RNF41: variants seen among roughly 807,000 people sequenced by gnomAD.
RNF41 encodes the protein ring finger protein 41, also known as E3 ubiquitin-protein ligase NRDP1.
Under a neutral mutation model 33.0 loss-of-function variants are expected in RNF41, and 4 were observed. The observed-to-expected ratio is 0.12, with a 90% CI of 0.06 to 0.28. RNF41 has a LOEUF of 0.28. Ranked by LOEUF, RNF41 falls within the 10% of genes least tolerant of loss-of-function variation. RNF41 has a pLI of 1.00. For synonymous variants in RNF41, 164 were observed against 153.2 expected (o/e 1.07, Z -0.52); for missense variants, 228 against 432.6 (o/e 0.53, Z 4.19).
chr12:56,208,732 CTTTTT>C (rs1229758952), intron 4 of RNF41, among the ~76,000 whole-genome samples: 1 of 145,188 alleles, frequency 6.9e-6, no homozygotes, highest in Non-Finnish European at 1.5e-5. Flanking sequence ...GGCCGGCTAA[CTTTTT>C]GTATTTTTAG....
intron 1 of RNF41, 195 bp downstream of exon 1, chr12:56,221,565 C>T (rs1443761067): frequency 6.6e-6 from 1 of 152,644 alleles, no homozygotes; most frequent in Non-Finnish European, 1.5e-5. Flanking sequence ...TCCCCAACAA[C>T]CCGTTCTCCA....
At chr12:56,214,781 A>G (rs1020801715) in intron 2 of RNF41, among the ~76,000 whole-genome samples, 1 of 152,156 alleles carries the variant, frequency 6.6e-6, no homozygotes, top group Non-Finnish European at 1.5e-5. Flanking sequence ...GTGAGCCGAG[A>G]TTGCACCACA....
At chr12:56,209,903 A>G in intron 4 of RNF41, 2 of 231,826 alleles carry the variant, frequency 8.6e-6, no homozygotes, top group South Asian at 1.3e-4. Flanking sequence ...CATGCCCTTC[A>G]GCTATCAACA....
chr12:56,207,809 A>C, intron 5 of RNF41, 60 bp from the exon 6 acceptor site: 1 of 1,358,338 alleles, frequency 7.4e-7, no homozygotes, highest in Non-Finnish European at 1.1e-6. Flanking sequence ...AAAAGACAAA[A>C]GTTTATCCAA....
intron 1 of RNF41, among the ~76,000 whole-genome samples, chr12:56,216,860 G>T (rs1043544294): frequency 6.6e-6 from 1 of 152,200 alleles, no homozygotes; most frequent in Non-Finnish European, 1.5e-5. Context: ...GACAAGAGAG[G>T]CCGGGCGTGG....
chr12:56,210,224 G>A (rs959336883), intron 4 of RNF41, 73 bp downstream of exon 4: 1 of 1,540,858 alleles, frequency 6.5e-7, no homozygotes. Context: ...CAGCTAGTGA[G>A]GAGGGCAGCC....
intron 3 of RNF41, among the ~76,000 whole-genome samples, chr12:56,212,466 G>C (rs2135807430): frequency 6.6e-6 from 1 of 152,230 alleles, no homozygotes; most frequent in South Asian, 2.1e-4. Flanking sequence ...AGGTAGATGG[G>C]TGGCTTCTGA....
At chr12:56,218,697 A>T (rs1257440789) in intron 1 of RNF41, among the ~76,000 whole-genome samples, 1 of 148,006 alleles carries the variant, frequency 6.8e-6, no homozygotes, top group Non-Finnish European at 1.5e-5. Flanking sequence ...CATATTTATT[A>T]TATATATATA....
intron 3 of RNF41, among the ~76,000 whole-genome samples, chr12:56,212,046 G>C (rs1001718671): frequency 6.6e-6 from 1 of 152,198 alleles, no homozygotes; most frequent in African/African-American, 2.4e-5. Flanking sequence ...CACTTTGGGA[G>C]GCCAAGGCAG....
In RNF41 at chr12:56,204,234, T is replaced by C. The variant is rs572979055; in HGVS notation, c.*2213A>G. On this transcript the variant is annotated 3_prime_UTR_variant, in exon 7 of 7. Transcript: ENST00000345093. ...GGACCACTCAGGGAAGACATGGAAT[T>C]TAGGATAAAGGCAGACCCTGGGAAG... 6.6e-6 allele frequency: 1 copy of C among 152,282 alleles called. No individual in the cohort carries two copies. The highest frequency in any genetic ancestry group is 6.5e-5 in the Admixed American group (1 of 15,276). The allele number at this position is 152,282 out of a possible 1,614,324, so 9.4% of individuals were successfully genotyped here. A position where few individuals can be genotyped will look rare whatever the true frequency, so the allele number is the denominator to read the frequency against.
intron 3 of RNF41, among the ~76,000 whole-genome samples, chr12:56,213,366 A>C (rs563539187): frequency 9.9e-4 from 150 of 152,028 alleles, no homozygotes; most frequent in Admixed American, 2.6e-3. Flanking sequence ...CGCCCAGCTA[A>C]TTTTTGTATT....
chr12:56,217,493 A>G (rs1868993730), intron 1 of RNF41, among the ~76,000 whole-genome samples: 1 of 152,166 alleles, frequency 6.6e-6, no homozygotes, highest in South Asian at 2.1e-4. Context: ...GGTTGCAGTG[A>G]GCCAAGATCG....
intron 2 of RNF41, among the ~76,000 whole-genome samples, chr12:56,215,500 C>T (rs1357964404): frequency 1.3e-5 from 2 of 151,766 alleles, no homozygotes; most frequent in Non-Finnish European, 2.9e-5. Flanking sequence ...GCAGACGGAT[C>T]ATGAGGTCAA....
At chr12:56,220,125 G>T (rs1869250108) in intron 1 of RNF41, among the ~76,000 whole-genome samples, 1 of 152,034 alleles carries the variant, frequency 6.6e-6, no homozygotes, top group Non-Finnish European at 1.5e-5. Context: ...ACAAAATAAG[G>T]CTGGGTGCAG....
intron 4 of RNF41, among the ~76,000 whole-genome samples, chr12:56,208,855 C>T (rs1018257457): frequency 5.4e-5 from 8 of 149,308 alleles, no homozygotes; most frequent in Non-Finnish European, 1.2e-4. Context: ...CGTGAGCCAC[C>T]GCGCCTGGCC....
chr12:56,218,598 C>A (rs1295789530), intron 1 of RNF41, among the ~76,000 whole-genome samples: 5 of 151,744 alleles, frequency 3.3e-5, no homozygotes, highest in African/African-American at 1.2e-4. Flanking sequence ...AGTCAAGTAA[C>A]CCTGCTGTAG....
At chr12:56,217,971 C>T (rs1347993542) in intron 1 of RNF41, among the ~76,000 whole-genome samples, 3 of 151,640 alleles carry the variant, frequency 2.0e-5, no homozygotes, top group South Asian at 2.1e-4. Context: ...ATTATTATTT[C>T]GAGATAGAGT....
chr12:56,221,193 T>G (rs1037747466), intron 1 of RNF41, among the ~76,000 whole-genome samples: 2 of 152,040 alleles, frequency 1.3e-5, no homozygotes, highest in African/African-American at 4.8e-5. Context: ...GGCCTTCCAG[T>G]GTGTGGTGTG....
chr12:56,202,467 C>A lies in RNF41; in HGVS notation c.*3980G>T, dbSNP rs896076191. 1 of 152,152 alleles carries A rather than the reference C, an allele frequency of 6.6e-6. No homozygotes were observed. The highest frequency in any genetic ancestry group is 2.4e-5 in the African/African-American group (1 of 41,444). 9.4% of individuals were successfully genotyped at this position (152,152 alleles called of 1,614,324 possible). A position where few individuals can be genotyped will look rare whatever the true frequency, so the allele number is the denominator to read the frequency against. ...TTTAGGCTTTGTTCCAGCTACTTAACCCTGCTGTTGTAATGTGAAAGCAGC... is the reference window on the plus strand; with the variant it reads ...TTTAGGCTTTGTTCCAGCTACTTAAACCTGCTGTTGTAATGTGAAAGCAGC... On this transcript the variant is annotated 3_prime_UTR_variant, in exon 7 of 7. Transcript: ENST00000345093.
Sources: gnomAD v4.1 joint callset for allele counts (sites outside exome capture counted in the v4.1 genomes callset) on GRCh38, gnomAD v4.1.1 for gene constraint, MANE v1.5 for transcripts, NCBI Gene and HGNC (gene_info 2026-07-23, HGNC 2026-07-21) for gene names.